Variants in AMMECR1L observed in about 807,000 individuals in gnomAD.
AMMECR1L encodes AMMECR1-like protein.
AMMECR1L carries 4 observed loss-of-function variants against 36.8 expected under a neutral mutation model. The ratio of observed to expected loss-of-function variants is 0.11; its 90% CI spans 0.05 to 0.25. The LOEUF (loss-of-function observed/expected upper bound fraction) is 0.25, where lower values mean the gene tolerates loss of function less well. Among genes scored for constraint, AMMECR1L ranks in the 10% least tolerant of loss-of-function variants. The pLI is 1.00. For synonymous variants in AMMECR1L, 147 were observed against 148.0 expected (o/e 0.99, Z 0.05); for missense variants, 232 against 392.1 (o/e 0.59, Z 3.45).
In AMMECR1L at chr2:127,871,393, C is replaced by T; in HGVS notation, c.408-34G>A. 1.3e-6 allele frequency: 2 copies of T among 1,595,862 alleles called. No individual in the cohort carries two copies. Among genetic ancestry groups the T allele is most frequent in the Non-Finnish European group, 1.7e-6 (2 of 1,169,238 alleles). ...AGCAAAACACAAAACATTCTCCAGC[C>T]CCAAATTAATCATGGATAAGAACAA... On this transcript the variant is annotated intron_variant, in intron 3 of 7. Transcript: ENST00000272647. The surrounding 1 kb of genome is among the most constrained non-coding windows in gnomAD (Gnocchi z 4.3).
At chr2:127,876,143 G>C (rs1350848838) in intron 2 of AMMECR1L, among the ~76,000 whole-genome samples, 1 of 151,732 alleles carries the variant, frequency 6.6e-6, no homozygotes, top group Non-Finnish European at 1.5e-5. Flanking sequence ...GAGCCGAGGA[G>C]TTTGAGACCA....
At chr2:127,885,361 G>A in intron 1 of AMMECR1L, 1 of 982,550 alleles carries the variant, frequency 1.0e-6, no homozygotes, top group Non-Finnish European at 1.2e-6. Flanking sequence ...GCGACGGGTA[G>A]AGCAGCTTGG....
chr2:127,867,337 A>C, intron 6 of AMMECR1L: 1 of 980,994 alleles, frequency 1.0e-6, no homozygotes, highest in Non-Finnish European at 1.2e-6. Flanking sequence ...CTGGTACCCA[A>C]GGCTGCTCTG....
intron 2 of AMMECR1L, among the ~76,000 whole-genome samples, chr2:127,875,753 G>C (rs916533452): frequency 6.6e-6 from 1 of 151,706 alleles, no homozygotes; most frequent in Non-Finnish European, 1.5e-5. Context: ...TGAAATAGGG[G>C]CTTCTCTCTT....
At chr2:127,880,158 G>C (rs1691427140) in intron 2 of AMMECR1L, among the ~76,000 whole-genome samples, 1 of 152,138 alleles carries the variant, frequency 6.6e-6, no homozygotes, top group African/African-American at 2.4e-5. Flanking sequence ...GAAGGAAAAA[G>C]ACAAAGTTTG....
chr2:127,866,147 G>A (rs1690675224), intron 7 of AMMECR1L, among the ~76,000 whole-genome samples: 1 of 152,076 alleles, frequency 6.6e-6, no homozygotes, highest in Non-Finnish European at 1.5e-5. Context: ...CAGATGAGGG[G>A]CCCAAAAGAG....
rs910654891 is a variant in AMMECR1L at position 127,881,388 on chromosome 2, C to A, written c.-39+2815G>T. Among the ~76,000 whole-genome samples, 4 of 151,000 alleles carry A rather than the reference C, an allele frequency of 2.6e-5. No homozygotes were observed. In the South Asian group the frequency reaches 8.7e-4, roughly 33 times the overall value. On this transcript the variant is annotated intron_variant, in intron 2 of 7. Coordinates refer to ENST00000272647, the MANE Select transcript of AMMECR1L (RefSeq NM_001199140.2). ...TGTCTGGCTGGGCAAAAGGACCTTC[C>A]TCTCTCACTGCAGGTCCCTTCCAAG...
chr2:127,871,195 C>T lies in AMMECR1L; in HGVS notation c.518+54G>A. The T allele has an allele frequency of 6.4e-7, 1 of 1,557,106 alleles. No homozygotes were observed. The highest frequency in any genetic ancestry group is 8.8e-7 in the Non-Finnish European group (1 of 1,130,680). ...ACTTAGAAGAAATAAAGTCAGGCAG[C>T]TATTTCTGATTCTAGCCAATTTATC... On this transcript the variant is annotated intron_variant, in intron 4 of 7. Transcript: ENST00000272647. The surrounding 1 kb of genome is among the most constrained non-coding windows in gnomAD (Gnocchi z 4.3).
At chr2:127,880,726 T>C (rs564653803) in intron 2 of AMMECR1L, among the ~76,000 whole-genome samples, 9 of 152,118 alleles carry the variant, frequency 5.9e-5, no homozygotes, top group African/African-American at 2.2e-4. Flanking sequence ...CCGCAGGGCA[T>C]CTGTTTCATC....
intron 2 of AMMECR1L, 22 bp downstream of exon 2, chr2:127,884,181 A>G (rs553592947): frequency 6.6e-6 from 1 of 152,340 alleles, no homozygotes; most frequent in East Asian, 1.9e-4. Flanking sequence ...TCTACTCTAA[A>G]TATGCCCAAG....
chr2:127,866,941 A>G lies in AMMECR1L; in HGVS notation c.780T>C (p.Ala260=), dbSNP rs368004270. 4 of 1,614,058 alleles carry G rather than the reference A, an allele frequency of 2.5e-6. No homozygotes were observed. In the African/African-American group the frequency reaches 5.3e-5, roughly 22 times the overall value. The change falls in exon 7 of 8, where the codon GCT becomes GCC. Residue 260 remains alanine, a synonymous_variant. Transcript: ENST00000272647. ...TTTTTCTGAATTCACTGGTAATTGG[A>G]GCTTTAAAGCCACCTTTCCTGAGCA... ...DSLLRKGGFK[A]PITSEFRKTI...
intron 2 of AMMECR1L, among the ~76,000 whole-genome samples, chr2:127,878,235 G>C (rs1691336245): frequency 6.6e-6 from 1 of 152,048 alleles, no homozygotes; most frequent in Non-Finnish European, 1.5e-5. Flanking sequence ...AGGGTCATTT[G>C]AATCCACGAT....
At chr2:127,882,164 A>T (rs898144177) in intron 2 of AMMECR1L, among the ~76,000 whole-genome samples, 1 of 152,226 alleles carries the variant, frequency 6.6e-6, no homozygotes, top group Non-Finnish European at 1.5e-5. Flanking sequence ...GTGGGGGGAA[A>T]AATCTAGATT....
chr2:127,873,492 C>A lies in AMMECR1L; in HGVS notation c.407+336G>T, dbSNP rs538492358. The A allele has an allele frequency of 1.0e-6, 1 of 985,332 alleles. No individual in the cohort carries two copies. Among genetic ancestry groups the A allele is most frequent in the African/African-American group, 1.7e-5 (1 of 57,242 alleles). 61.0% of individuals were successfully genotyped at this position (985,332 alleles called of 1,614,324 possible). ...ACCTGGACTTCAACACTATGGGTGT[C>A]CCCAATGGTATGGCGTGACTTCCCC... On this transcript the variant is annotated intron_variant, in intron 3 of 7. Coordinates refer to ENST00000272647, the MANE Select transcript of AMMECR1L (RefSeq NM_001199140.2). The surrounding 1 kb of genome is among the most constrained non-coding windows in gnomAD (Gnocchi z 5.2).
At chr2:127,875,030 G>A (rs1237459211) in intron 2 of AMMECR1L, among the ~76,000 whole-genome samples, 3 of 152,208 alleles carry the variant, frequency 2.0e-5, no homozygotes, top group Admixed American at 6.5e-5. Flanking sequence ...TTGTGAGGTG[G>A]CAGTTTCTGC....
At chr2:127,867,888 T>C (rs1690767523) in intron 6 of AMMECR1L, among the ~76,000 whole-genome samples, 1 of 152,210 alleles carries the variant, frequency 6.6e-6, no homozygotes, top group African/African-American at 2.4e-5. Context: ...ATTCTTTTTT[T>C]TGAGACAGGT....
At position 127,865,270 on chromosome 2, in the gene AMMECR1L, C is replaced by A; in HGVS notation, c.822-65G>T. The A allele has an allele frequency of 1.8e-6, 2 of 1,099,824 alleles. No homozygotes were observed. The highest frequency in any genetic ancestry group is 1.6e-5 in the South Asian group (1 of 63,318). The allele number at this position is 1,099,824 out of a possible 1,614,324, so 68.1% of individuals were successfully genotyped here. A position where few individuals can be genotyped will look rare whatever the true frequency, so the allele number is the denominator to read the frequency against. The stretch of plus-strand genomic sequence containing the variant: ...CGCTTCATTTTGTAAAGTCACTCAG[C>A]AGAGAAAAACCAAAAGCTTATTCCA... On this transcript the variant is annotated intron_variant, in intron 7 of 7. Transcript: ENST00000272647. The surrounding 1 kb of genome is among the most constrained non-coding windows in gnomAD (Gnocchi z 5.4).
rs1573532062 is a variant in AMMECR1L at position 127,864,563 on chromosome 2, G to A, written c.*531C>T. 3.3e-5 allele frequency: 5 copies of A among 152,268 alleles called. No individual in the cohort carries two copies. Among genetic ancestry groups the A allele is most frequent in the African/African-American group, 1.2e-4 (5 of 41,460 alleles). 9.4% of individuals were successfully genotyped at this position (152,268 alleles called of 1,614,324 possible). A position where few individuals can be genotyped will look rare whatever the true frequency, so the allele number is the denominator to read the frequency against. ...GGTGCCCACGTCCAACCCTAACGTG[G>A]CGTCCGCTTATGAAGCATGGAGGTT... On this transcript the variant is annotated 3_prime_UTR_variant, in exon 8 of 8. Coordinates refer to ENST00000272647, the MANE Select transcript of AMMECR1L (RefSeq NM_001199140.2).
At position 127,879,752 on chromosome 2, in the gene AMMECR1L, A is replaced by G. The variant is rs575210748; in HGVS notation, c.-39+4451T>C. Reference sequence around the variant, plus strand: ...CTAAGTAGTTCCCGACTCAGCTCTCAGCACTGCCCTACAGTGATCAAGAGA... The same window carrying G: ...CTAAGTAGTTCCCGACTCAGCTCTCGGCACTGCCCTACAGTGATCAAGAGA... On this transcript the variant is annotated intron_variant, in intron 2 of 7. Coordinates refer to ENST00000272647, the MANE Select transcript of AMMECR1L (RefSeq NM_001199140.2). 8.5e-5 allele frequency among the ~76,000 whole-genome samples: 13 copies of G among 152,328 alleles called. No homozygotes were observed. The South Asian group carries it at 2.7e-3, about 32-fold the overall frequency.
Sources: gnomAD v4.1 joint callset for allele counts (sites outside exome capture counted in the v4.1 genomes callset) on GRCh38, gnomAD v4.1.1 for gene constraint, Gnocchi (gnomAD v3.1) non-coding constraint, MANE v1.5 for transcripts, NCBI Gene and HGNC (gene_info 2026-07-23, HGNC 2026-07-21) for gene names.